Variants in MACROD2 observed in about 807,000 individuals in gnomAD.
MACROD2 encodes the protein ADP-ribose glycohydrolase MACROD2.
In MACROD2, 36 loss-of-function variants were observed where a neutral mutation model predicts 70.4. That is an observed-to-expected ratio of 0.51 (90% CI 0.39 to 0.68). MACROD2 has a LOEUF of 0.68. MACROD2 is among the 30% of genes least tolerant of loss of function. MACROD2 has a pLI of 0.00. For missense variants in MACROD2, 496 were observed against 538.4 expected (o/e 0.92, Z 0.78); for synonymous variants, 172 against 178.8 (o/e 0.96, Z 0.30).
At chr20:15,142,160 CTTTG>C (rs2076196533) in intron 5 of MACROD2, among the ~76,000 whole-genome samples, 1 of 152,130 alleles carries the variant, frequency 6.6e-6, no homozygotes, top group Non-Finnish European at 1.5e-5. Flanking sequence ...TCTTTTTATT[CTTTG>C]TGTCTCTCCT....
intron 4 of MACROD2, among the ~76,000 whole-genome samples, chr20:14,552,666 C>T (rs1357936154): frequency 6.6e-6 from 1 of 152,068 alleles, no homozygotes; most frequent in Admixed American, 6.6e-5. Context: ...ATGGTATAGC[C>T]TGCTGCTCCT....
intron 4 of MACROD2, among the ~76,000 whole-genome samples, chr20:14,660,480 A>G (rs1185803339): frequency 2.0e-5 from 3 of 152,222 alleles, no homozygotes; most frequent in Non-Finnish European, 4.4e-5. Context: ...GTTGTATATG[A>G]CACTATGCTA....
chr20:15,325,650 T>C (rs1387714618), intron 6 of MACROD2, among the ~76,000 whole-genome samples: 1 of 152,148 alleles, frequency 6.6e-6, no homozygotes, highest in Non-Finnish European at 1.5e-5. Context: ...CTAATCAAGC[T>C]ATGGCCTGTC....
chr20:15,146,065 C>G (rs1319665759), intron 5 of MACROD2, among the ~76,000 whole-genome samples: 2 of 151,916 alleles, frequency 1.3e-5, no homozygotes, highest in Admixed American at 1.3e-4. Flanking sequence ...ACATTTATTC[C>G]CAATCTTTGA....
At chr20:14,210,610 A>C (rs1244039475) in intron 3 of MACROD2, among the ~76,000 whole-genome samples, 1 of 152,184 alleles carries the variant, frequency 6.6e-6, no homozygotes, top group Non-Finnish European at 1.5e-5. Flanking sequence ...TTTGGTTTTG[A>C]ATTACTATGT....
chr20:14,555,693 C>G (rs1041717026), intron 4 of MACROD2, among the ~76,000 whole-genome samples: 4 of 152,004 alleles, frequency 2.6e-5, no homozygotes, highest in Non-Finnish European at 5.9e-5. Context: ...CAGATATTGG[C>G]ACTAAGGAGA....
intron 3 of MACROD2, among the ~76,000 whole-genome samples, chr20:14,340,286 G>A (rs2082999873): frequency 6.6e-6 from 1 of 152,124 alleles, no homozygotes; most frequent in Non-Finnish European, 1.5e-5. Context: ...TAGCACAGCT[G>A]GGCTCCATGT....
chr20:15,045,744 T>TTTTCC (rs11482249), intron 5 of MACROD2, among the ~76,000 whole-genome samples: 1,373 of 134,368 alleles, frequency 0.01, 5 homozygotes, highest in Non-Finnish European at 0.016. Context: ...TTTTTTTTTT[T>TTTTCC]CCCTTTCTGA....
Position 15,777,555 on chromosome 20 carries a change from TTCCTTCCTTCCTTCCTTCCTTCTTTCC to T in MACROD2, c.646-85188_646-85162del, listed in dbSNP as rs1568555594. On this transcript the variant is annotated intron_variant, in intron 8 of 17. Transcript: ENST00000684519. ...CTTCCTTCCTTCCTTCCTTCCTTCC[TTCCTTCCTTCCTTCCTTCCTTCTTTCC>T]TTCCTTCCTTCCTTCCTTCCCTCCC... 1.4e-3 allele frequency among the ~76,000 whole-genome samples: 139 copies of T among 96,984 alleles called. 1 individual carries two copies. The highest frequency in any genetic ancestry group is 3.6e-3 in the African/African-American group (106 of 29,806). 63.6% of individuals were successfully genotyped at this position (96,984 alleles called of 152,430 possible). A position where few individuals can be genotyped will look rare whatever the true frequency, so the allele number is the denominator to read the frequency against.
chr20:14,406,984 G>C (rs1281997907), intron 3 of MACROD2, among the ~76,000 whole-genome samples: 1 of 152,138 alleles, frequency 6.6e-6, no homozygotes, highest in Non-Finnish European at 1.5e-5. Flanking sequence ...GCAAATGTGG[G>C]TTCTGTTATC....
At chr20:15,150,118 G>A (rs2076258710) in intron 5 of MACROD2, among the ~76,000 whole-genome samples, 1 of 151,986 alleles carries the variant, frequency 6.6e-6, no homozygotes, top group Admixed American at 6.6e-5. Context: ...GTTTTTATGA[G>A]AATTATGCCA....
At chr20:14,554,337 A>C (rs1271257263) in intron 4 of MACROD2, 1 of 152,134 alleles carries the variant, frequency 6.6e-6, no homozygotes, top group Non-Finnish European at 1.5e-5. Context: ...ATTCTTACAG[A>C]ATGTGGTGTG....
chr20:14,653,139 C>T (rs1040398045), intron 4 of MACROD2, among the ~76,000 whole-genome samples: 19 of 152,062 alleles, frequency 1.2e-4, no homozygotes, highest in Non-Finnish European at 2.1e-4. Context: ...CAGCCTCGAC[C>T]TCCTGGACTC....
rs1429156974 is a variant in MACROD2, at chr20:15,137,453, G to A, written c.419-92487G>A. The stretch of plus-strand genomic sequence containing the variant: ...AAATCATCATTCTCAGTAAACTATC[G>A]CAAGGACAAAAAACCAAACACCGCA... On this transcript the variant is annotated intron_variant, in intron 5 of 17. Transcript: ENST00000684519. Among the ~76,000 whole-genome samples the A allele has an allele frequency of 1.6e-3, 232 of 149,130 alleles. 1 individual carries two copies. The highest frequency in any genetic ancestry group is 2.7e-3 in the Non-Finnish European group (184 of 67,596).
At chr20:15,958,197 T>A (rs993998259) in intron 12 of MACROD2, among the ~76,000 whole-genome samples, 2 of 152,196 alleles carry the variant, frequency 1.3e-5, no homozygotes, top group Non-Finnish European at 2.9e-5. Flanking sequence ...TACACTCTAA[T>A]CCTGCTGCAA....
intron 8 of MACROD2, among the ~76,000 whole-genome samples, chr20:15,589,694 C>T (rs1344845165): frequency 1.3e-5 from 2 of 152,228 alleles, no homozygotes; most frequent in Non-Finnish European, 2.9e-5. Flanking sequence ...TTCCTTCCAG[C>T]AATCCCTGGC....
At chr20:15,246,169 T>C (rs2077103878) in intron 6 of MACROD2, among the ~76,000 whole-genome samples, 2 of 152,234 alleles carry the variant, frequency 1.3e-5, no homozygotes, top group Admixed American at 1.3e-4. Context: ...TTTAACCTCT[T>C]TGGAAACTTT....
intron 6 of MACROD2, among the ~76,000 whole-genome samples, chr20:15,411,473 G>C (rs950390719): frequency 7.2e-5 from 11 of 152,098 alleles, no homozygotes; most frequent in Non-Finnish European, 1.6e-4. Flanking sequence ...AATTTTGAAA[G>C]GTTGCATCCT....
At chr20:14,485,477 G>A (rs1266875702) in intron 3 of MACROD2, among the ~76,000 whole-genome samples, 10 of 152,082 alleles carry the variant, frequency 6.6e-5, no homozygotes, top group African/African-American at 1.2e-4. Context: ...TGAGGCGGGC[G>A]AATCACGAGG....
Sources: allele counts gnomAD v4.1 joint callset (sites outside exome capture counted in the v4.1 genomes callset), GRCh38; gene constraint gnomAD v4.1.1; transcripts MANE v1.5; gene names NCBI Gene and HGNC (gene_info 2026-07-23, HGNC 2026-07-21).